The following ADAMTS17 variants were observed in gnomAD, a reference collection of about 807,000 sequenced individuals.
ADAMTS17 encodes ADAM metallopeptidase with thrombospondin type 1 motif 17, also known as A disintegrin and metalloproteinase with thrombospondin motifs 17.
ADAMTS17 carries 113 observed loss-of-function variants against 141.5 expected under a neutral mutation model. The ratio of observed to expected loss-of-function variants is 0.80; its 90% CI spans 0.69 to 0.93. The LOEUF (loss-of-function observed/expected upper bound fraction) is 0.93. Ranked by LOEUF, ADAMTS17 falls within the 40% of genes least tolerant of loss-of-function variation. The pLI, the probability that ADAMTS17 is intolerant of heterozygous loss-of-function variation, is 0.00. For synonymous variants in ADAMTS17, 768 were observed against 630.6 expected (o/e 1.22, Z -3.27); for missense variants, 1,659 against 1,517.9 (o/e 1.09, Z -1.54).
At chr15:99,983,477 G>T (rs2141293039) in intron 20 of ADAMTS17, among the ~76,000 whole-genome samples, 1 of 152,144 alleles carries the variant, frequency 6.6e-6, no homozygotes, top group South Asian at 2.1e-4. Context: ...CTTCCCCACA[G>T]CGGGATTCCC....
chr15:100,079,124 G>C (rs1403869019), intron 15 of ADAMTS17, among the ~76,000 whole-genome samples: 1 of 152,166 alleles, frequency 6.6e-6, no homozygotes, highest in Non-Finnish European at 1.5e-5. Context: ...AAGTGGTGCC[G>C]CCACTTTGGA....
At chr15:100,266,853 G>A (rs117167779) in intron 4 of ADAMTS17, among the ~76,000 whole-genome samples, 4 of 151,998 alleles carry the variant, frequency 2.6e-5, no homozygotes, top group East Asian at 1.9e-4. Context: ...GCTGTCTGTC[G>A]TTCCTACTGC....
intron 15 of ADAMTS17, among the ~76,000 whole-genome samples, chr15:100,065,668 C>A (rs755542152): frequency 2.0e-5 from 3 of 152,140 alleles, no homozygotes; most frequent in African/African-American, 7.2e-5. Flanking sequence ...ACTGTGAGAA[C>A]AGGATAGGTA....
chr15:100,061,420 G>A lies in ADAMTS17; in HGVS notation c.2138-7366C>T, dbSNP rs181725136. Among the ~76,000 whole-genome samples, 734 of 152,238 alleles carry A rather than the reference G, an allele frequency of 4.8e-3. 4 individuals are homozygous for A. Among genetic ancestry groups the A allele is most frequent in the Non-Finnish European group, 7.2e-3 (489 of 68,026 alleles). The stretch of plus-strand genomic sequence containing the variant: ...AGCTCCGTGACTGGGAGCCACTATC[G>A]CGGATGCTATTGTTCTTTTTTTGTA... On this transcript the variant is annotated intron_variant, in intron 15 of 21. Coordinates refer to ENST00000268070, the MANE Select transcript of ADAMTS17 (RefSeq NM_139057.4).
intron 7 of ADAMTS17, among the ~76,000 whole-genome samples, chr15:100,247,785 C>A (rs1354083192): frequency 6.6e-6 from 1 of 152,160 alleles, no homozygotes; most frequent in Non-Finnish European, 1.5e-5. Flanking sequence ...AGTTCCCCAG[C>A]TCCTCTTGGT....
rs1315894341 is a variant in ADAMTS17 at position 100,283,820 on chromosome 15, A to G, written c.617-2419T>C. On this transcript the variant is annotated intron_variant, in intron 3 of 21. Coordinates refer to ENST00000268070, the MANE Select transcript of ADAMTS17 (RefSeq NM_139057.4). Reference sequence around the variant, plus strand: ...GACACTTAACATTTCAAAATCCTGCACTGCACTGGGTACAGTGGCTCACGC... The same window carrying G: ...GACACTTAACATTTCAAAATCCTGCGCTGCACTGGGTACAGTGGCTCACGC... Among the ~76,000 whole-genome samples the G allele has an allele frequency of 2.0e-5, 3 of 152,298 alleles. No homozygotes were observed. The East Asian group carries it at 5.8e-4, about 29-fold the overall frequency.
chr15:100,096,599 T>C, intron 14 of ADAMTS17, 123 bp from the exon 15 acceptor site: 1 of 1,202,772 alleles, frequency 8.3e-7, no homozygotes, highest in Non-Finnish European at 1.2e-6. Flanking sequence ...CCCTGATCCA[T>C]TCAGAGGCCC....
intron 15 of ADAMTS17, among the ~76,000 whole-genome samples, chr15:100,076,534 A>G (rs1246046018): frequency 6.6e-6 from 1 of 152,106 alleles, no homozygotes; most frequent in African/African-American, 2.4e-5. Context: ...TGGTAAATTT[A>G]TTTCAAATTT....
chr15:100,141,271 T>G (rs986670525), intron 10 of ADAMTS17, among the ~76,000 whole-genome samples: 1 of 152,184 alleles, frequency 6.6e-6, no homozygotes, highest in Non-Finnish European at 1.5e-5. Context: ...ATGGCACCAT[T>G]GCTCACGTAC....
intron 2 of ADAMTS17, 34 bp downstream of exon 2, chr15:100,341,005 G>C (rs1259925998): frequency 6.7e-7 from 1 of 1,499,534 alleles, no homozygotes; most frequent in Non-Finnish European, 8.9e-7. Context: ...GCAACAGACC[G>C]GACGGGCCGA....
intron 9 of ADAMTS17, among the ~76,000 whole-genome samples, chr15:100,154,939 A>T (rs922404742): frequency 2.0e-5 from 3 of 152,216 alleles, no homozygotes; most frequent in Non-Finnish European, 4.4e-5. Flanking sequence ...CTATGTTGAC[A>T]TTTGAGTCGA....
In ADAMTS17 at chr15:100,070,736, T is replaced by C. The variant is rs542478514; in HGVS notation, c.2138-16682A>G. Among the ~76,000 whole-genome samples, 51 of 149,228 alleles carry C rather than the reference T, an allele frequency of 3.4e-4. 3 individuals are homozygous for C. The East Asian group carries it at 8.8e-3, about 26-fold the overall frequency. On this transcript the variant is annotated intron_variant, in intron 15 of 21. Transcript: ENST00000268070. ...CATACCAGAATCTCTGGGACACATT[T>C]AAAGCAGTGTGTAGAGGGAAATTTA...
chr15:100,168,738 A>C (rs1005080418), intron 8 of ADAMTS17: 2 of 152,372 alleles, frequency 1.3e-5, no homozygotes, highest in Non-Finnish European at 2.9e-5. Context: ...AGGTCAAGGC[A>C]AATCTCCCCA....
chr15:100,178,057 T>G (rs1855157440), intron 8 of ADAMTS17, among the ~76,000 whole-genome samples: 1 of 152,164 alleles, frequency 6.6e-6, no homozygotes, highest in Non-Finnish European at 1.5e-5. Flanking sequence ...TCTACCTATG[T>G]CATTATGTTT....
chr15:100,318,111 A>T (rs2045621603), intron 3 of ADAMTS17, among the ~76,000 whole-genome samples: 1 of 152,166 alleles, frequency 6.6e-6, no homozygotes. Context: ...AGAGTGCATG[A>T]TCTGACTTTC....
At position 100,174,129 on chromosome 15, in the gene ADAMTS17, C is replaced by T. The variant is rs141386983; in HGVS notation, c.1182-18809G>A. ...TTTCCCACAAAGTCCAGGGAGAAGC[C>T]GAGTTGATAACCAATGGCAACAATT... is the stretch of plus-strand genomic sequence containing the variant. On this transcript the variant is annotated intron_variant, in intron 8 of 21. Transcript: ENST00000268070. Among the ~76,000 whole-genome samples the T allele has an allele frequency of 1.3e-4, 20 of 152,292 alleles. 1 individual carries two copies. The South Asian group carries it at 1.7e-3, about 13-fold the overall frequency.
At chr15:100,128,470 A>C (rs1242981337) in intron 12 of ADAMTS17, 2 of 152,296 alleles carry the variant, frequency 1.3e-5, no homozygotes, top group East Asian at 1.9e-4. Context: ...ATGACTAACA[A>C]TCCGACGTGC....
intron 15 of ADAMTS17, among the ~76,000 whole-genome samples, chr15:100,094,959 G>A (rs1427542103): frequency 6.6e-6 from 1 of 152,230 alleles, no homozygotes; most frequent in Non-Finnish European, 1.5e-5. Context: ...TTGTCTGCCT[G>A]TGCTGCCCAA....
intron 4 of ADAMTS17, among the ~76,000 whole-genome samples, chr15:100,277,864 T>G (rs1002490619): frequency 3.9e-5 from 6 of 152,184 alleles, no homozygotes; most frequent in Non-Finnish European, 7.3e-5. Context: ...TTATTCACAG[T>G]AGCAAAAGGT....
Sources: gnomAD v4.1 joint callset for allele counts (sites outside exome capture counted in the v4.1 genomes callset) on GRCh38, gnomAD v4.1.1 for gene constraint, MANE v1.5 for transcripts, NCBI Gene and HGNC (gene_info 2026-07-23, HGNC 2026-07-21) for gene names.